The following YTHDF1 variants were observed in gnomAD, a reference collection of about 807,000 sequenced individuals.
YTHDF1 encodes the protein YTH N6-methyladenosine RNA binding protein F1.
In YTHDF1, 16 loss-of-function variants were observed where a neutral mutation model predicts 49.1. That is an observed-to-expected ratio of 0.33 (90% CI 0.22 to 0.49). The LOEUF (loss-of-function observed/expected upper bound fraction) is 0.49. YTHDF1 is among the 20% of genes least tolerant of loss of function. The pLI, the probability that YTHDF1 is intolerant of heterozygous loss-of-function variation, is 0.99. For synonymous variants in YTHDF1, 313 were observed against 290.1 expected (o/e 1.08, Z -0.80); for missense variants, 621 against 744.3 (o/e 0.83, Z 1.93).
intron 3 of YTHDF1, among the ~76,000 whole-genome samples, chr20:63,213,273 A>T (rs1467213944): frequency 6.6e-6 from 1 of 152,232 alleles, no homozygotes; most frequent in Non-Finnish European, 1.5e-5. Context: ...CTCTACTAAA[A>T]ATACAAAAAT....
intron 3 of YTHDF1, among the ~76,000 whole-genome samples, chr20:63,208,146 T>C (rs1028451782): frequency 3.3e-5 from 5 of 152,198 alleles, no homozygotes; most frequent in African/African-American, 7.2e-5. Context: ...ATATCCATTT[T>C]TCTGAGATGG....
chr20:63,197,403 C>T (rs922021652), intron 4 of YTHDF1, among the ~76,000 whole-genome samples: 6 of 152,210 alleles, frequency 3.9e-5, no homozygotes, highest in East Asian at 3.9e-4. Context: ...TGCCCACTCC[C>T]GTAAGAGAAT....
intron 3 of YTHDF1, among the ~76,000 whole-genome samples, chr20:63,204,254 C>T (rs558230176): frequency 2.0e-5 from 3 of 152,344 alleles, no homozygotes; most frequent in Non-Finnish European, 4.4e-5. Flanking sequence ...ATGTGCAGGG[C>T]CGTGAGGCAG....
intron 3 of YTHDF1, among the ~76,000 whole-genome samples, chr20:63,208,030 G>A (rs2066556491): frequency 6.6e-6 from 1 of 151,342 alleles, no homozygotes; most frequent in South Asian, 2.1e-4. Context: ...AGAACTAAGA[G>A]CAGTTTTACA....
rs2066599528 is a variant in YTHDF1 at position 63,215,827 on chromosome 20, TCGGCCCCGGCCGCGGCCCCTGTAACC to T, written c.27+13_27+38del. Reference sequence around the variant, plus strand: ...AGGACCTCAACCCAGACCCCGCGCCTCGGCCCCGGCCGCGGCCCCTGTAACCCGGCCCCGCTACCTGGGTGTCCACG... The same window carrying T: ...AGGACCTCAACCCAGACCCCGCGCCTCGGCCCCGCTACCTGGGTGTCCACG... On this transcript the variant is annotated intron_variant, in intron 1 of 4. Coordinates refer to ENST00000370339, the MANE Select transcript of YTHDF1 (RefSeq NM_017798.4). 6.9e-7 allele frequency: 1 copy of T among 1,452,332 alleles called. No individual in the cohort carries two copies. Among genetic ancestry groups the T allele is most frequent in the East Asian group, 3.1e-5 (1 of 32,628 alleles). The allele number at this position is 1,452,332 out of a possible 1,614,324, so 90.0% of individuals were successfully genotyped here.
rs765559966 is a variant in YTHDF1, at chr20:63,202,881, G to A, written c.1059C>T (p.Asn353=). ...GAGSDSNSPG[N]VQPNSAPSVE... is the part of the protein sequence containing the mutation. ...CGCTGGGGGCAGAATTAGGCTGGAC[G>A]TTTCCAGGAGAGTTGCTATCGCTGC... is the stretch of plus-strand genomic sequence containing the variant. Residue 353 remains asparagine, a synonymous_variant, in exon 4 of 5, where the codon AAC becomes AAT. Coordinates refer to ENST00000370339, the MANE Select transcript of YTHDF1 (RefSeq NM_017798.4). 1.5e-5 allele frequency: 25 copies of A among 1,613,952 alleles called. 1 individual carries two copies. The highest frequency in any genetic ancestry group is 1.5e-4 in the South Asian group (14 of 91,090).
rs767623897 is a variant in YTHDF1, at chr20:63,203,602, T to C, written c.338A>G (p.Asn113Ser). Residue 113 changes from asparagine to serine, a missense_variant, in exon 4 of 5, where the codon AAC becomes AGC. Asn to Ser is a conservative substitution (Grantham distance 46). This residue lies in a region of YTHDF1 where 470 missense variants were observed against 495.8 expected (regional missense o/e 0.95). Coordinates refer to ENST00000370339, the MANE Select transcript of YTHDF1 (RefSeq NM_017798.4). This position sits in a 1 kb window ranked among gnomAD's most constrained non-coding sequence, Gnocchi z 4.4. ...ATTGAACCTGTGCTGATAGATGTTGTTCCCCAGGCCCCCAGGCTGCCCAAA... is the reference window on the plus strand; with the variant it reads ...ATTGAACCTGTGCTGATAGATGTTGCTCCCCAGGCCCCCAGGCTGCCCAAA... The part of the protein sequence containing the change: ...AVFGQPGGLG[N>S]NIYQHRFNFF... 8.1e-6 allele frequency: 13 copies of C among 1,614,166 alleles called. No individual in the cohort carries two copies. Among genetic ancestry groups the C allele is most frequent in the South Asian group, 1.1e-5 (1 of 91,082 alleles).
chr20:63,198,690 C>T (rs1024975796), intron 4 of YTHDF1, among the ~76,000 whole-genome samples: 1 of 151,760 alleles, frequency 6.6e-6, no homozygotes, highest in African/African-American at 2.4e-5. Flanking sequence ...GCTCAACAAG[C>T]ATCCAGGAAA....
chr20:63,203,852 G>A lies in YTHDF1; in HGVS notation c.133-45C>T, dbSNP rs995260197. On this transcript the variant is annotated intron_variant, in intron 3 of 4. Transcript: ENST00000370339. The surrounding 1 kb of genome is among the most constrained non-coding windows in gnomAD (Gnocchi z 4.4). ...AAGTTACACCACTTCTACAACACGA[G>A]ATGCTGAGAATGCCAACCGCCTCTT... is the stretch of plus-strand genomic sequence containing the variant. 1.8e-5 allele frequency: 28 copies of A among 1,537,538 alleles called. No homozygotes were observed. Among genetic ancestry groups the A allele is most frequent in the Non-Finnish European group, 2.4e-5 (27 of 1,136,690 alleles).
In YTHDF1 at chr20:63,201,983, TTG is replaced by T. The variant is rs1601232627; in HGVS notation, c.1653+302_1653+303del. On this transcript the variant is annotated intron_variant, in intron 4 of 4. Coordinates refer to ENST00000370339, the MANE Select transcript of YTHDF1 (RefSeq NM_017798.4). ...GAGGAGAAAGTTACCCTCAAATTCT[TTG>T]TAACAGAAAAACAGAATGTGTACAC... Among the ~76,000 whole-genome samples the T allele has an allele frequency of 2.0e-5, 3 of 152,368 alleles. No homozygotes were observed. In the East Asian group the frequency reaches 5.8e-4, roughly 29 times the overall value.
At chr20:63,204,787 G>A (rs1208734804) in intron 3 of YTHDF1, among the ~76,000 whole-genome samples, 1 of 152,168 alleles carries the variant, frequency 6.6e-6, no homozygotes, top group African/African-American at 2.4e-5. Flanking sequence ...AATTTAGACT[G>A]AGGGTCAGCA....
Position 63,203,306 on chromosome 20 carries a change from G to A in YTHDF1, c.634C>T (p.Leu212=), listed in dbSNP as rs1250815613. ...CCGTTGCCAGAAAGGACACCAGTCA[G>A]TGCCACGCTGCTGACGACAGAGCCC... is the stretch of plus-strand genomic sequence containing the variant. ...TVGSVVSSVA[L]TGVLSGNGGT... is the part of the protein sequence containing the mutation. The change falls in exon 4 of 5, where the codon CTG becomes TTG. Residue 212 remains leucine (L), a synonymous_variant. Transcript: ENST00000370339. This position sits in a 1 kb window ranked among gnomAD's most constrained non-coding sequence, Gnocchi z 4.4. The A allele has an allele frequency of 5.0e-6, 8 of 1,613,696 alleles. 1 individual carries two copies. In the South Asian group the frequency reaches 6.6e-5, roughly 13 times the overall value.
intron 4 of YTHDF1, among the ~76,000 whole-genome samples, chr20:63,198,857 G>A (rs1164652719): frequency 6.6e-6 from 1 of 152,236 alleles, no homozygotes; most frequent in Non-Finnish European, 1.5e-5. Context: ...TGCTCACAGT[G>A]TGGGACGCTC....
At chr20:63,197,011 T>A (rs761464896) in intron 4 of YTHDF1, among the ~76,000 whole-genome samples, 1 of 152,150 alleles carries the variant, frequency 6.6e-6, no homozygotes, top group African/African-American at 2.4e-5. Flanking sequence ...CTGGGAAGCC[T>A]CACTTCCCAC....
In YTHDF1 at chr20:63,202,932, C is replaced by T. The variant is rs34046235; in HGVS notation, c.1008G>A (p.Ala336=). The part of the protein sequence containing the change: ...TRWVAPRNRN[A]AFGQSGGAGS... ...CAGCCCCTCCGCTCTGCCCAAACGC[C>T]GCGTTTCTGTTGCGTGGGGCAACCC... Residue 336 remains alanine (A), a synonymous_variant, in exon 4 of 5, where the codon GCG becomes GCA. Transcript: ENST00000370339. The T allele has an allele frequency of 1.6e-3, 2,651 of 1,614,038 alleles. 29 individuals are homozygous for T. The African/African-American group carries it at 0.028, about 17-fold the overall frequency.
At chr20:63,206,752 A>G (rs2066548385) in intron 3 of YTHDF1, among the ~76,000 whole-genome samples, 1 of 152,162 alleles carries the variant, frequency 6.6e-6, no homozygotes, top group Admixed American at 6.5e-5. Context: ...TTCCTATTAC[A>G]TCTGCCATCT....
intron 4 of YTHDF1, among the ~76,000 whole-genome samples, chr20:63,201,088 T>C (rs2066515217): frequency 6.6e-6 from 1 of 151,780 alleles, no homozygotes; most frequent in African/African-American, 2.4e-5. Flanking sequence ...AGTAACTAAT[T>C]CAGAATTCAG....
intron 2 of YTHDF1, among the ~76,000 whole-genome samples, chr20:63,214,431 G>C (rs892315166): frequency 6.6e-6 from 1 of 152,234 alleles, no homozygotes; most frequent in African/African-American, 2.4e-5. Flanking sequence ...ACAGGTCTCA[G>C]TTAATTTAGA....
In YTHDF1 at chr20:63,216,009, G is replaced by T; in HGVS notation, c.-117C>A. ...GGGCCCCGCCGCCAATTCCCCGGGC[G>T]CCGGCCGGGCGGCGGCGGCGGCTGC... is the stretch of plus-strand genomic sequence containing the variant. On this transcript the variant is annotated 5_prime_UTR_variant, in exon 1 of 5. Coordinates refer to ENST00000370339, the MANE Select transcript of YTHDF1 (RefSeq NM_017798.4). 1.0e-6 allele frequency: 1 copy of T among 961,952 alleles called. No homozygotes were observed. The highest frequency in any genetic ancestry group is 7.6e-5 in the East Asian group (1 of 13,206). 59.6% of individuals were successfully genotyped at this position (961,952 alleles called of 1,614,324 possible). A position where few individuals can be genotyped will look rare whatever the true frequency, so the allele number is the denominator to read the frequency against.
Sources: gnomAD v4.1 joint callset for allele counts (sites outside exome capture counted in the v4.1 genomes callset) on GRCh38, gnomAD v4.1.1 for gene constraint, gnomAD v4.1.1 regional missense constraint, Gnocchi (gnomAD v3.1) non-coding constraint, MANE v1.5 for transcripts, NCBI Gene and HGNC (gene_info 2026-07-23, HGNC 2026-07-21) for gene names.